The following CFAP206 variants were observed in gnomAD, a reference collection of about 807,000 sequenced individuals.
CFAP206 encodes cilia- and flagella-associated protein 206.
CFAP206 carries 53 observed loss-of-function variants against 65.4 expected under a neutral mutation model. The observed-to-expected ratio is 0.81, with a 90% CI of 0.65 to 1.02. The LOEUF is 1.02. Among genes scored for constraint, CFAP206 ranks in the 50% least tolerant of loss-of-function variants. CFAP206 has a pLI of 0.00. For missense variants in CFAP206, 663 were observed against 753.2 expected (o/e 0.88, Z 1.40); for synonymous variants, 250 against 254.4 (o/e 0.98, Z 0.17).
At chr6:87,417,194 T>C (rs902843029) in intron 6 of CFAP206, among the ~76,000 whole-genome samples, 1 of 152,228 alleles carries the variant, frequency 6.6e-6, no homozygotes, top group Non-Finnish European at 1.5e-5. Context: ...AAACAGTTCC[T>C]GGTGCAGTTA....
At chr6:87,435,238 C>T in intron 11 of CFAP206, 185 bp downstream of exon 11, 1 of 448,218 alleles carries the variant, frequency 2.2e-6, no homozygotes, top group Non-Finnish European at 4.0e-6. Context: ...ATAATGAAAA[C>T]AGGATATGGA....
chr6:87,408,198 C>T (rs1562241546), intron 1 of CFAP206, 109 bp downstream of exon 1: 4 of 338,112 alleles, frequency 1.2e-5, no homozygotes, highest in Non-Finnish European at 1.7e-5. Flanking sequence ...CGTCCTGCCT[C>T]GTCGAGACTT....
intron 11 of CFAP206, among the ~76,000 whole-genome samples, chr6:87,453,713 A>G (rs1156660891): frequency 6.6e-6 from 1 of 152,148 alleles, no homozygotes; most frequent in East Asian, 1.9e-4. Flanking sequence ...CCTCTTGGTA[A>G]CCTCGAATTT....
intron 9 of CFAP206, 42 bp downstream of exon 9, chr6:87,428,866 A>T (rs1419353476): frequency 6.5e-7 from 1 of 1,529,254 alleles, no homozygotes; most frequent in African/African-American, 1.4e-5. Context: ...TTTTAAAATT[A>T]CCTCTAGAAT....
chr6:87,446,116 GGATA>G (rs1768437115), intron 11 of CFAP206, among the ~76,000 whole-genome samples: 2 of 151,752 alleles, frequency 1.3e-5, no homozygotes, highest in South Asian at 4.2e-4. Flanking sequence ...TTTATCAGAT[GGATA>G]GATTGTAAAA....
At chr6:87,461,275 A>G in intron 12 of CFAP206, 110 bp downstream of exon 12, 1 of 676,992 alleles carries the variant, frequency 1.5e-6, no homozygotes, top group Non-Finnish European at 2.2e-6. Flanking sequence ...AGTTTTATAC[A>G]GAGTTCTTTG....
rs1451373063 is a variant in CFAP206, at chr6:87,445,666, T to C, written c.1494+10613T>C. Among the ~76,000 whole-genome samples the C allele has an allele frequency of 2.0e-5, 3 of 152,226 alleles. No homozygotes were observed. The East Asian group carries it at 5.8e-4, about 29-fold the overall frequency. ...ATTGTGAATAGTGCTGCAGTGAACA[T>C]ACACATGCATGTATCTTTATAACAG... is the stretch of plus-strand genomic sequence containing the variant. On this transcript the variant is annotated intron_variant, in intron 11 of 12. Coordinates refer to ENST00000369562, the MANE Select transcript of CFAP206 (RefSeq NM_001031743.3).
chr6:87,422,451 GA>G (rs754181099), intron 7 of CFAP206, among the ~76,000 whole-genome samples: 3,741 of 59,074 alleles, frequency 0.063, 148 homozygotes, highest in African/African-American at 0.18. Flanking sequence ...ACTCCATCTC[GA>G]AAAAAAAAAA....
intron 8 of CFAP206, among the ~76,000 whole-genome samples, chr6:87,427,790 TGATC>T (rs1203906452): frequency 7.2e-5 from 11 of 152,082 alleles, no homozygotes; most frequent in African/African-American, 2.4e-4. Context: ...TTTTATTAGA[TGATC>T]AGTCAGGAAA....
In CFAP206 at chr6:87,415,812, A is replaced by C. The variant is rs375104482; in HGVS notation, c.410A>C (p.Tyr137Ser). Residue 137 changes from tyrosine (Y) to serine (S), a missense_variant, in exon 5 of 13, where the codon TAT (tyrosine) becomes TCT (serine). Tyr to Ser is a moderately radical substitution (Grantham distance 144, BLOSUM62 -2). Transcript: ENST00000369562. The part of the protein sequence containing the change: ...LESLYRKIIS[Y>S]VLLRSGLGSP... The stretch of plus-strand genomic sequence containing the variant: ...AGCCTCTACCGGAAGATTATCAGCT[A>C]TGTGTTACTCCGCTCTGGCCTTGGA... The C allele has an allele frequency of 6.2e-7, 1 of 1,613,424 alleles. No individual in the cohort carries two copies. The highest frequency in any genetic ancestry group is 1.7e-5 in the Admixed American group (1 of 59,984).
intron 4 of CFAP206, among the ~76,000 whole-genome samples, chr6:87,415,030 A>T (rs921758702): frequency 2.0e-5 from 3 of 152,176 alleles, no homozygotes; most frequent in Admixed American, 1.3e-4. Context: ...GGGTTGTCTT[A>T]TAGAGTCATT....
intron 8 of CFAP206, among the ~76,000 whole-genome samples, chr6:87,428,235 A>G (rs1459058573): frequency 6.7e-6 from 1 of 149,962 alleles, no homozygotes; most frequent in African/African-American, 2.4e-5. Context: ...TGATCCGCCC[A>G]CCTTGGCCTC....
intron 1 of CFAP206, 128 bp from the exon 2 acceptor site, chr6:87,409,707 A>G (rs1297453497): frequency 1.6e-6 from 1 of 615,394 alleles, no homozygotes; most frequent in African/African-American, 1.9e-5. Flanking sequence ...ATACTAATAA[A>G]AATGCTAATA....
At chr6:87,450,286 T>G (rs1438850138) in intron 11 of CFAP206, among the ~76,000 whole-genome samples, 1 of 152,326 alleles carries the variant, frequency 6.6e-6, no homozygotes, top group Non-Finnish European at 1.5e-5. Context: ...TCAGGATTGC[T>G]TGACTAGTCT....
chr6:87,427,596 T>C (rs1768066835), intron 8 of CFAP206, among the ~76,000 whole-genome samples: 2 of 152,198 alleles, frequency 1.3e-5, no homozygotes, highest in Admixed American at 6.5e-5. Context: ...CAGTGACCTT[T>C]AATAGGAATA....
intron 7 of CFAP206, among the ~76,000 whole-genome samples, chr6:87,422,305 C>G (rs932670811): frequency 6.6e-6 from 1 of 151,188 alleles, no homozygotes; most frequent in Non-Finnish European, 1.5e-5. Context: ...AAAAAATTAG[C>G]CAGGCATGGT....
chr6:87,462,433 C>T (rs936745216), intron 12 of CFAP206, among the ~76,000 whole-genome samples: 1 of 152,178 alleles, frequency 6.6e-6, no homozygotes, highest in African/African-American at 2.4e-5. Context: ...CTATTATCTA[C>T]TAAACTCACT....
At chr6:87,454,463 G>A (rs1768601246) in intron 11 of CFAP206, among the ~76,000 whole-genome samples, 1 of 152,128 alleles carries the variant, frequency 6.6e-6, no homozygotes, top group South Asian at 2.1e-4. Context: ...CAGTCTCAAG[G>A]ATAAGACCAT....
At chr6:87,410,856 A>G (rs1371441424) in intron 3 of CFAP206, among the ~76,000 whole-genome samples, 188 bp downstream of exon 3, 2 of 152,174 alleles carry the variant, frequency 1.3e-5, no homozygotes, top group Non-Finnish European at 2.9e-5. Flanking sequence ...TTCCTGGGGC[A>G]CACCATCCTT....
Sources: gnomAD v4.1 joint callset for allele counts (sites outside exome capture counted in the v4.1 genomes callset) on GRCh38, gnomAD v4.1.1 for gene constraint, MANE v1.5 for transcripts, NCBI Gene and HGNC (gene_info 2026-07-23, HGNC 2026-07-21) for gene names.